The following FBLN1 variants were observed in gnomAD, a reference collection of about 807,000 sequenced individuals.
The protein encoded by FBLN1 is fibulin-1.
FBLN1 carries 34 observed loss-of-function variants against 89.7 expected under a neutral mutation model. The ratio of observed to expected loss-of-function variants is 0.38; its 90% confidence interval spans 0.29 to 0.50. The LOEUF (loss-of-function observed/expected upper bound fraction) is 0.50. FBLN1 is among the 20% of genes least tolerant of loss of function. FBLN1 has a pLI of 0.92. For synonymous variants in FBLN1, 393 were observed against 391.3 expected (o/e 1.00, Z -0.05); for missense variants, 777 against 988.1 (o/e 0.79, Z 2.86).
intron 1 of FBLN1, among the ~76,000 whole-genome samples, chr22:45,511,046 A>G (rs2088093035): frequency 6.6e-6 from 1 of 151,788 alleles, no homozygotes. Context: ...TGTTCTCCCA[A>G]TCCTGGTGTG....
chr22:45,512,942 TTTG>T (rs1429806228), intron 1 of FBLN1, among the ~76,000 whole-genome samples: 3 of 152,284 alleles, frequency 2.0e-5, no homozygotes, highest in Admixed American at 6.5e-5. Context: ...TTGTTGTTCT[TTTG>T]TTGTTGTTAA....
At chr22:45,524,345 C>G (rs1379478410) in intron 2 of FBLN1, among the ~76,000 whole-genome samples, 2 of 152,240 alleles carry the variant, frequency 1.3e-5, no homozygotes, top group African/African-American at 4.8e-5. Flanking sequence ...TGACACACTC[C>G]TCTCCTGCTC....
intron 2 of FBLN1, among the ~76,000 whole-genome samples, chr22:45,522,193 G>A (rs185311220): frequency 7.8e-4 from 118 of 152,202 alleles, no homozygotes; most frequent in African/African-American, 2.5e-3. Context: ...CACCATGTTG[G>A]CCAGGCTGGT....
At chr22:45,541,446 G>A in intron 9 of FBLN1, 74 bp downstream of exon 9, 1 of 1,582,522 alleles carries the variant, frequency 6.3e-7, no homozygotes, top group Non-Finnish European at 8.6e-7. Flanking sequence ...TTCTCTGGAA[G>A]CAGAAAGTTG....
rs982822442 is a variant in FBLN1, at chr22:45,577,353, G to A, written c.1972+245G>A. ...ACCCACTCTCTGGGTGACCCCTCTGGGTCTCGGTCTCCCTGCCTATAACAT... is the reference window on the plus strand; with the variant it reads ...ACCCACTCTCTGGGTGACCCCTCTGAGTCTCGGTCTCCCTGCCTATAACAT... On this transcript the variant is annotated intron_variant, in intron 16 of 16. Transcript: ENST00000327858. This position sits in a 1 kb window ranked among gnomAD's most constrained non-coding sequence, Gnocchi z 6.6. Among the ~76,000 whole-genome samples, 1 of 152,166 alleles carries A rather than the reference G, an allele frequency of 6.6e-6. No individual in the cohort carries two copies.
At chr22:45,517,896 C>T (rs1212207366) in intron 1 of FBLN1, among the ~76,000 whole-genome samples, 1 of 152,132 alleles carries the variant, frequency 6.6e-6, no homozygotes, top group African/African-American at 2.4e-5. Flanking sequence ...TTTGGGAGGC[C>T]ATGGCTGGCC....
chr22:45,519,291 GCT>G (rs2088215357), intron 2 of FBLN1, among the ~76,000 whole-genome samples: 1 of 152,080 alleles, frequency 6.6e-6, no homozygotes, highest in African/African-American at 2.4e-5. Flanking sequence ...ATTGACTCCA[GCT>G]CTCTGAAAAT....
rs369371126 is a variant in FBLN1, at chr22:45,532,218, T to C, written c.545-845T>C. Among the ~76,000 whole-genome samples the C allele has an allele frequency of 1.9e-3, 288 of 151,542 alleles. No individual in the cohort carries two copies. The highest frequency in any genetic ancestry group is 6.3e-3 in the African/African-American group (262 of 41,268). On this transcript the variant is annotated intron_variant, in intron 5 of 16. Coordinates refer to ENST00000327858, the MANE Select transcript of FBLN1 (RefSeq NM_006486.3). This position sits in a 1 kb window ranked among gnomAD's most constrained non-coding sequence, Gnocchi z 4.2. ...GGGCCTGGTGGAGGGAGGAAGGGAG[T>C]GACCTAGAGCCCCAGCAAGCCTCAG...
chr22:45,560,974 G>A (rs886515432), intron 14 of FBLN1, among the ~76,000 whole-genome samples: 1 of 152,108 alleles, frequency 6.6e-6, no homozygotes, highest in African/African-American at 2.4e-5. Flanking sequence ...AGGCTGATGG[G>A]TCGGGGCGGG....
intron 14 of FBLN1, among the ~76,000 whole-genome samples, chr22:45,553,953 C>T (rs1483940860): frequency 1.3e-5 from 2 of 152,254 alleles, no homozygotes; most frequent in South Asian, 2.1e-4. Context: ...TGACCAGCCC[C>T]ATCCAGGCTG....
intron 16 of FBLN1, among the ~76,000 whole-genome samples, chr22:45,587,661 G>C (rs2351085): frequency 0.66 from 100,670 of 152,004 alleles, 33,881 homozygotes; most frequent in African/African-American, 0.75. Context: ...TTCCGGCTCT[G>C]CAGAGCCGCT....
chr22:45,506,389 A>C (rs555311315), intron 1 of FBLN1, among the ~76,000 whole-genome samples: 1 of 152,346 alleles, frequency 6.6e-6, no homozygotes, highest in South Asian at 2.1e-4. Flanking sequence ...TCAGTCATTC[A>C]TTCACTAAGG....
intron 16 of FBLN1, among the ~76,000 whole-genome samples, chr22:45,591,315 G>C (rs574920456): frequency 6.6e-6 from 1 of 152,184 alleles, no homozygotes; most frequent in Admixed American, 6.5e-5. Flanking sequence ...CTGTGATGAC[G>C]AAGCACTGCA....
intron 16 of FBLN1, among the ~76,000 whole-genome samples, chr22:45,596,115 C>A (rs1177772178): frequency 6.6e-6 from 1 of 152,138 alleles, no homozygotes; most frequent in East Asian, 1.9e-4. Context: ...GTGATCCGCC[C>A]GCCTCGGCCT....
rs191646524 is a variant in FBLN1, at chr22:45,574,679, C to T, written c.1840+26C>T. ...GTGAGTGGGATGGGTGTGGGGGTCC[C>T]AGGGCCCCCTAGGGCCTCCCTCGGC... On this transcript the variant is annotated intron_variant, in intron 15 of 16. Coordinates refer to ENST00000327858, the MANE Select transcript of FBLN1 (RefSeq NM_006486.3). The surrounding 1 kb of genome is among the most constrained non-coding windows in gnomAD (Gnocchi z 4.1). The T allele has an allele frequency of 1.9e-6, 3 of 1,608,610 alleles. No individual in the cohort carries two copies. Among genetic ancestry groups the T allele is most frequent in the African/African-American group, 2.7e-5 (2 of 74,948 alleles).
chr22:45,554,760 C>T (rs2088756850), intron 14 of FBLN1, among the ~76,000 whole-genome samples: 1 of 152,252 alleles, frequency 6.6e-6, no homozygotes, highest in Non-Finnish European at 1.5e-5. Flanking sequence ...TCCTCTGGGG[C>T]TCCGCACCTG....
rs549267573 is a variant in FBLN1 at position 45,578,527 on chromosome 22, C to T, written c.1972+1419C>T. On this transcript the variant is annotated intron_variant, in intron 16 of 16. Coordinates refer to ENST00000327858, the MANE Select transcript of FBLN1 (RefSeq NM_006486.3). This position sits in a 1 kb window ranked among gnomAD's most constrained non-coding sequence, Gnocchi z 4.6. ...CCCTTGAGTCACTCCCCACTCTGGGCCTCAGTTTCCCCCATTGTGAAATGA... is the reference window on the plus strand; with the variant it reads ...CCCTTGAGTCACTCCCCACTCTGGGTCTCAGTTTCCCCCATTGTGAAATGA... 3.3e-5 allele frequency: 5 copies of T among 152,368 alleles called. No individual in the cohort carries two copies. Among genetic ancestry groups the T allele is most frequent in the Admixed American group, 1.3e-4 (2 of 15,310 alleles). 9.4% of individuals were successfully genotyped at this position (152,368 alleles called of 1,614,324 possible).
intron 1 of FBLN1, among the ~76,000 whole-genome samples, chr22:45,504,449 G>T (rs2087990867): frequency 6.6e-6 from 1 of 152,158 alleles, no homozygotes; most frequent in Non-Finnish European, 1.5e-5. Context: ...CTTGATGTAA[G>T]GGGAGCGCGG....
chr22:45,582,798 AGTGTGTGCGTGTGT>A (rs2089053617), intron 16 of FBLN1, among the ~76,000 whole-genome samples: 2 of 152,042 alleles, frequency 1.3e-5, no homozygotes, highest in African/African-American at 2.4e-5. Context: ...CTGGGTGTGG[AGTGTGTGCGTGTGT>A]GTGGGTGCGT....
Sources: allele counts gnomAD v4.1 joint callset (sites outside exome capture counted in the v4.1 genomes callset), GRCh38; gene constraint gnomAD v4.1.1; non-coding constraint Gnocchi (gnomAD v3.1); transcripts MANE v1.5; gene names NCBI Gene and HGNC (gene_info 2026-07-23, HGNC 2026-07-21).